Variants in G2E3 observed in about 807,000 individuals in gnomAD.
The protein encoded by G2E3 is G2/M-phase specific E3 ubiquitin protein ligase.
In G2E3, 35 loss-of-function variants were observed where a neutral mutation model predicts 92.8. That is an observed-to-expected ratio of 0.38 (90% CI 0.29 to 0.50). G2E3 has a LOEUF of 0.50. G2E3 is among the 20% of genes least tolerant of loss of function. G2E3 has a pLI of 0.94. For missense variants in G2E3, 554 were observed against 823.8 expected (o/e 0.67, Z 4.01); for synonymous variants, 242 against 272.4 (o/e 0.89, Z 1.10).
In G2E3 at chr14:30,618,441, T is replaced by G. The variant is rs1388113884; in HGVS notation, c.*1907T>G. The stretch of plus-strand genomic sequence containing the variant: ...AAACCTAGTTAAAGCTATTTTCTGG[T>G]TTTTAGTTGCAATTAATTTCCCCTA... On this transcript the variant is annotated 3_prime_UTR_variant, in exon 15 of 15. Transcript: ENST00000206595. 1.3e-5 allele frequency: 2 copies of G among 152,028 alleles called. No homozygotes were observed. The highest frequency in any genetic ancestry group is 3.9e-4 in the East Asian group (2 of 5,188). 9.4% of individuals were successfully genotyped at this position (152,028 alleles called of 1,614,324 possible). A position where few individuals can be genotyped will look rare whatever the true frequency, so the allele number is the denominator to read the frequency against.
At chr14:30,607,764 T>C in intron 11 of G2E3, 124 bp from the exon 12 acceptor site, 1 of 528,876 alleles carries the variant, frequency 1.9e-6, no homozygotes, top group East Asian at 3.2e-5. Flanking sequence ...TTCTACATAA[T>C]GATAGCTTCT....
intron 13 of G2E3, among the ~76,000 whole-genome samples, 185 bp from the exon 14 acceptor site, chr14:30,615,164 T>C (rs1357731396): frequency 6.6e-6 from 1 of 152,238 alleles, no homozygotes; most frequent in East Asian, 1.9e-4. Context: ...ATGTGTAGTA[T>C]ATCCATATCT....
Position 30,598,507 on chromosome 14 carries a change from A to G in G2E3, c.660A>G (p.Glu220=), listed in dbSNP as rs766015758. ...PEKDASWELE[E]NAYQELLQHY... ...GAGATGCTTCCTGGGAATTAGAGGAAAACGCTTATCAAGAGCTTCTGCAGC... is the reference window on the plus strand; with the variant it reads ...GAGATGCTTCCTGGGAATTAGAGGAGAACGCTTATCAAGAGCTTCTGCAGC... Residue 220 remains glutamate, a synonymous_variant, in exon 8 of 15, where the codon GAA becomes GAG. Transcript: ENST00000206595. 4.3e-6 allele frequency: 7 copies of G among 1,612,096 alleles called. No homozygotes were observed. The African/African-American group carries it at 9.3e-5, about 22-fold the overall frequency.
chr14:30,567,270 G>A (rs917397396), intron 1 of G2E3, among the ~76,000 whole-genome samples: 1 of 152,064 alleles, frequency 6.6e-6, no homozygotes, highest in East Asian at 1.9e-4. Context: ...AGGTTTAATA[G>A]GGTTCACCAG....
At chr14:30,583,762 G>A (rs552633766) in intron 2 of G2E3, among the ~76,000 whole-genome samples, 1 of 152,286 alleles carries the variant, frequency 6.6e-6, no homozygotes, top group South Asian at 2.1e-4. Context: ...GCTAAACATT[G>A]TAAGTATATA....
At chr14:30,608,211 T>A in intron 12 of G2E3, 142 bp downstream of exon 12, 1 of 519,710 alleles carries the variant, frequency 1.9e-6, no homozygotes, top group South Asian at 4.1e-5. Context: ...ACCAGTGGAG[T>A]TCTGAACCAG....
intron 10 of G2E3, among the ~76,000 whole-genome samples, chr14:30,604,905 TTC>T (rs1378419358): frequency 0.017 from 2,553 of 152,144 alleles, 90 homozygotes; most frequent in African/African-American, 0.058. Context: ...CATTCATTCA[TTC>T]ATTTATGAGA....
At chr14:30,591,025 A>G (rs763339027) in intron 4 of G2E3, 18 of 187,756 alleles carry the variant, frequency 9.6e-5, no homozygotes, top group Non-Finnish European at 1.7e-4. Flanking sequence ...GCACTCAGAA[A>G]GTTTCCTATT....
chr14:30,574,177 T>C (rs1213430324), intron 1 of G2E3, among the ~76,000 whole-genome samples: 1 of 152,176 alleles, frequency 6.6e-6, no homozygotes, highest in Non-Finnish European at 1.5e-5. Context: ...AGGTTGCATA[T>C]ATCTGGTCCC....
chr14:30,571,993 T>A (rs1463002126), intron 1 of G2E3, among the ~76,000 whole-genome samples: 6 of 151,972 alleles, frequency 3.9e-5, no homozygotes, highest in Non-Finnish European at 7.4e-5. Flanking sequence ...TGTGTTAAAT[T>A]GACATCTTAA....
intron 5 of G2E3, 40 bp from the exon 6 acceptor site, chr14:30,593,434 G>GCA (rs1274755585): frequency 3.0e-6 from 3 of 1,007,288 alleles, no homozygotes; most frequent in Non-Finnish European, 4.5e-6. Context: ...GTTTTGCTTT[G>GCA]CAGTTCATGA....
chr14:30,581,280 G>A (rs1227468106), intron 2 of G2E3, among the ~76,000 whole-genome samples, 164 bp downstream of exon 2: 9 of 152,098 alleles, frequency 5.9e-5, no homozygotes, highest in Admixed American at 5.2e-4. Context: ...AAACCTATCA[G>A]AAGGCAATTT....
chr14:30,567,596 A>C (rs950210030), intron 1 of G2E3, among the ~76,000 whole-genome samples: 1 of 151,856 alleles, frequency 6.6e-6, no homozygotes, highest in Non-Finnish European at 1.5e-5. Context: ...CTTCTCAAGC[A>C]ATTTTTATTT....
rs34534669 is a variant in G2E3 at position 30,564,506 on chromosome 14, A to AT, written c.-5+5242dup. On this transcript the variant is annotated intron_variant, in intron 1 of 14. Coordinates refer to ENST00000206595, the MANE Select transcript of G2E3 (RefSeq NM_017769.5). ...TGCCACCAAGACTGGCTAATTAAAA[A>AT]TTTTTTTTATAGAGACAGGATATCA... Among the ~76,000 whole-genome samples the AT allele has an allele frequency of 1.9e-4, 29 of 151,966 alleles. No individual in the cohort carries two copies. The East Asian group carries it at 5.4e-3, about 28-fold the overall frequency.
At chr14:30,615,643 T>A in intron 14 of G2E3, 104 bp downstream of exon 14, 1 of 604,122 alleles carries the variant, frequency 1.7e-6, no homozygotes, top group Non-Finnish European at 2.8e-6. Context: ...GTATTAATAT[T>A]AAGATGCTAA....
At chr14:30,595,886 G>T (rs1208202195) in intron 6 of G2E3, among the ~76,000 whole-genome samples, 4 of 152,132 alleles carry the variant, frequency 2.6e-5, no homozygotes, top group Non-Finnish European at 5.9e-5. Flanking sequence ...TTTCCACTCT[G>T]TGTCTACAGA....
intron 13 of G2E3, among the ~76,000 whole-genome samples, chr14:30,613,393 A>G (rs1882179971): frequency 6.6e-6 from 1 of 152,202 alleles, no homozygotes; most frequent in Non-Finnish European, 1.5e-5. Context: ...TACTATTACT[A>G]CTGAAGTTTA....
Position 30,586,713 on chromosome 14 carries a change from GT to G in G2E3, c.38-3del. On this transcript the variant is annotated splice_polypyrimidine_tract_variant and splice_region_variant and intron_variant, in intron 2 of 14. Transcript: ENST00000206595. The stretch of plus-strand genomic sequence containing the variant: ...TTTTATATCTATTTACTTTTTCACT[GT>G]TAGCTTGTGTTTTCTGTCGAAAACA... 8.9e-7 allele frequency: 1 copy of G among 1,123,222 alleles called. No homozygotes were observed. Among genetic ancestry groups the G allele is most frequent in the Non-Finnish European group, 1.3e-6 (1 of 782,550 alleles). The allele number at this position is 1,123,222 out of a possible 1,614,324, so 69.6% of individuals were successfully genotyped here.
At chr14:30,584,255 A>G (rs990168799) in intron 2 of G2E3, among the ~76,000 whole-genome samples, 1 of 152,110 alleles carries the variant, frequency 6.6e-6, no homozygotes, top group African/African-American at 2.4e-5. Context: ...GGCATACCAT[A>G]TTTTGTTTAT....
Sources: gnomAD v4.1 joint callset for allele counts (sites outside exome capture counted in the v4.1 genomes callset) on GRCh38, gnomAD v4.1.1 for gene constraint, MANE v1.5 for transcripts, NCBI Gene and HGNC (gene_info 2026-07-23, HGNC 2026-07-21) for gene names.